TAB1: variants seen among roughly 807,000 people sequenced by gnomAD.
TAB1 encodes the protein TGF-beta activated kinase 1 (MAP3K7) binding protein 1.
A neutral mutation model predicts 54.5 loss-of-function variants in TAB1; 30 were observed. That is an observed-to-expected ratio of 0.55 (90% CI 0.41 to 0.75). TAB1 has a LOEUF of 0.75. Among genes scored for constraint, TAB1 ranks in the 30% least tolerant of loss-of-function variants. The pLI, the probability that TAB1 is intolerant of heterozygous loss-of-function variation, is 0.00. For synonymous variants in TAB1, 289 were observed against 286.9 expected (o/e 1.01, Z -0.07); for missense variants, 609 against 683.2 (o/e 0.89, Z 1.21).
chr22:39,412,006 C>T (rs1439114838), intron 1 of TAB1, among the ~76,000 whole-genome samples: 1 of 152,102 alleles, frequency 6.6e-6, no homozygotes, highest in Admixed American at 6.5e-5. Context: ...TGCATCATTT[C>T]ATTTATGTGA....
At chr22:39,436,104 C>T (rs1030328747), downstream of TAB1, among the ~76,000 whole-genome samples, 4 of 152,152 alleles carry the variant, frequency 2.6e-5, no homozygotes, top group Non-Finnish European at 5.9e-5. Flanking sequence ...CCAGCCTGGC[C>T]AACATGGTAA....
chr22:39,415,920 G>A lies in TAB1; in HGVS notation c.324+267G>A, dbSNP rs1926814235. Among the ~76,000 whole-genome samples the A allele has an allele frequency of 6.6e-6, 1 of 152,182 alleles. No individual in the cohort carries two copies. The highest frequency in any genetic ancestry group is 1.5e-5 in the Non-Finnish European group (1 of 68,032). On this transcript the variant is annotated intron_variant, in intron 3 of 10. Transcript: ENST00000216160. This position sits in a 1 kb window ranked among gnomAD's most constrained non-coding sequence, Gnocchi z 4.9. ...GATGGGAGCTTGGAGAGAGGTGTGA[G>A]GTGGGAGCAGGGCAAGGCCTGGTAG... is the stretch of plus-strand genomic sequence containing the variant.
intron 10 of TAB1, among the ~76,000 whole-genome samples, chr22:39,428,772 A>C (rs142956606): frequency 2.0e-5 from 3 of 152,342 alleles, no homozygotes; most frequent in Admixed American, 2.0e-4. Flanking sequence ...ATGGAATGAT[A>C]GAGATGCCAC....
chr22:39,400,430 G>A (rs537479550), intron 1 of TAB1, among the ~76,000 whole-genome samples: 1 of 152,194 alleles, frequency 6.6e-6, no homozygotes, highest in African/African-American at 2.4e-5. Context: ...GGAATGACCA[G>A]TGGTAGCTGT....
chr22:39,404,218 C>A (rs1380138814), intron 1 of TAB1, among the ~76,000 whole-genome samples: 1 of 152,074 alleles, frequency 6.6e-6, no homozygotes, highest in Non-Finnish European at 1.5e-5. Flanking sequence ...GTGAGGGAGC[C>A]CTGGAAGAGG....
In TAB1 at chr22:39,406,171, G is replaced by A. The variant is rs939313211; in HGVS notation, c.33+6336G>A. Among the ~76,000 whole-genome samples, 7 of 152,136 alleles carry A rather than the reference G, an allele frequency of 4.6e-5. No homozygotes were observed. The South Asian group carries it at 8.3e-4, about 18-fold the overall frequency. On this transcript the variant is annotated intron_variant, in intron 1 of 10. Coordinates refer to ENST00000216160, the MANE Select transcript of TAB1 (RefSeq NM_006116.3). ...CAGGGCCACTTTGGGAGGCCAAGGCGTGTGGATCACAAGGTCAGGAGTTCA... is the reference window on the plus strand; with the variant it reads ...CAGGGCCACTTTGGGAGGCCAAGGCATGTGGATCACAAGGTCAGGAGTTCA...
chr22:39,400,030 C>T (rs1442240036), intron 1 of TAB1, among the ~76,000 whole-genome samples, 195 bp downstream of exon 1: 5 of 152,176 alleles, frequency 3.3e-5, no homozygotes, highest in African/African-American at 7.2e-5. Flanking sequence ...GGGCCCGGCC[C>T]CCGGGTCAAG....
intron 1 of TAB1, among the ~76,000 whole-genome samples, chr22:39,409,374 T>G (rs1926512295): frequency 6.6e-6 from 1 of 152,236 alleles, no homozygotes; most frequent in Non-Finnish European, 1.5e-5. Context: ...TAGGGGATAA[T>G]TGGCAACATT....
chr22:39,433,456 A>AG, downstream of TAB1: 2 of 563,692 alleles, frequency 3.5e-6, no homozygotes, highest in Non-Finnish European at 3.9e-6. Context: ...CTGTCTCAAG[A>AG]AAAAAAAAAA....
rs200665232 is a variant in TAB1, at chr22:39,417,848, C to T, written c.549C>T (p.Val183=). Residue 183 remains valine, a splice_region_variant and synonymous_variant, in exon 5 of 11, where the codon GTC becomes GTT. Coordinates refer to ENST00000216160, the MANE Select transcript of TAB1 (RefSeq NM_006116.3). ...ACAACAAGCTCTACGTCGCCAATGT[C>T]GGTGAGCCCCCTCCTGTCCCAGGGC... ...LLNNKLYVAN[V]GTNRALLCKS... 3 of 1,603,458 alleles carry T rather than the reference C, an allele frequency of 1.9e-6. No homozygotes were observed. Among genetic ancestry groups the T allele is most frequent in the Non-Finnish European group, 8.5e-7 (1 of 1,174,800 alleles).
intron 1 of TAB1, among the ~76,000 whole-genome samples, chr22:39,405,948 A>G (rs1926343929): frequency 6.6e-6 from 1 of 152,196 alleles, no homozygotes; most frequent in Non-Finnish European, 1.5e-5. Context: ...GAAACTGCCC[A>G]TGTGTCATTG....
At chr22:39,403,569 T>C (rs1926235958) in intron 1 of TAB1, among the ~76,000 whole-genome samples, 1 of 151,788 alleles carries the variant, frequency 6.6e-6, no homozygotes, top group Admixed American at 6.6e-5. Context: ...TCATGTGATG[T>C]GAAGCTTTCA....
At position 39,430,183 on chromosome 22, in the gene TAB1, C is replaced by T. The variant is rs773942238; in HGVS notation, c.1476C>T (p.Ser492=). ...VDFAEFYRLW[S]VDHGEQSVVT... ...TTGCTGAGTTTTACCGCCTCTGGAG[C>T]GTGGACCATGGCGAGCAGAGCGTGG... The change falls in exon 11 of 11, where the codon AGC becomes AGT. Residue 492 remains serine, a synonymous_variant. Transcript: ENST00000216160. 1.4e-5 allele frequency: 22 copies of T among 1,613,498 alleles called. No individual in the cohort carries two copies. The highest frequency in any genetic ancestry group is 1.6e-4 in the Middle Eastern group (1 of 6,084).
At chr22:39,432,581 G>A (rs139338364), downstream of TAB1, 3,240 of 215,558 alleles carry the variant, frequency 0.015, 25 homozygotes, top group Middle Eastern at 0.046. Flanking sequence ...GAGCCGCCAG[G>A]GGTCCTGAGG....
intron 5 of TAB1, among the ~76,000 whole-genome samples, chr22:39,418,400 T>G (rs1926930100): frequency 6.6e-6 from 1 of 152,226 alleles, no homozygotes; most frequent in Admixed American, 6.5e-5. Flanking sequence ...TTATCAACTG[T>G]GGCCAGCCTT....
At chr22:39,435,653 G>GGT (rs1927753436), downstream of TAB1, among the ~76,000 whole-genome samples, 1 of 152,216 alleles carries the variant, frequency 6.6e-6, no homozygotes, top group Non-Finnish European at 1.5e-5. Context: ...CCCTGTGGGT[G>GGT]GTGGGCCCCC....
intron 1 of TAB1, among the ~76,000 whole-genome samples, chr22:39,408,815 T>A (rs1267870085): frequency 6.6e-6 from 1 of 152,212 alleles, no homozygotes; most frequent in Non-Finnish European, 1.5e-5. Flanking sequence ...TGGCCTTTTT[T>A]AATAGTGTAT....
chr22:39,423,177 A>G (rs570937242), intron 8 of TAB1, among the ~76,000 whole-genome samples: 1 of 151,952 alleles, frequency 6.6e-6, no homozygotes, highest in African/African-American at 2.4e-5. Context: ...TTTGGTAGAG[A>G]CAGGGTCTCA....
At position 39,417,732 on chromosome 22, in the gene TAB1, C is replaced by A. The variant is rs770350956; in HGVS notation, c.433C>A (p.Pro145Thr). The change falls in exon 5 of 11, where the codon CCT becomes ACT. Residue 145 changes from proline to threonine, a missense_variant. Coordinates refer to ENST00000216160, the MANE Select transcript of TAB1 (RefSeq NM_006116.3). ...GTAGGGAGTCCCTCAGCACCAGCTG[C>A]CTCCTCAGTATCAGAAGATCCTTGA... The part of the protein sequence containing the change: ...LPEGVPQHQL[P>T]PQYQKILERL... 2 of 1,611,392 alleles carry A rather than the reference C, an allele frequency of 1.2e-6. No homozygotes were observed. The highest frequency in any genetic ancestry group is 2.2e-5 in the South Asian group (2 of 90,502).
Sources: allele counts gnomAD v4.1 joint callset (sites outside exome capture counted in the v4.1 genomes callset), GRCh38; gene constraint gnomAD v4.1.1; non-coding constraint Gnocchi (gnomAD v3.1); transcripts MANE v1.5; gene names NCBI Gene and HGNC (gene_info 2026-07-23, HGNC 2026-07-21).